The following TAB2 variants were observed in gnomAD, a reference collection of about 807,000 sequenced individuals.
The protein encoded by TAB2 is TGF-beta-activated kinase 1 and MAP3K7-binding protein 2.
TAB2 carries 3 observed loss-of-function variants against 65.0 expected under a neutral mutation model. The ratio of observed to expected loss-of-function variants is 0.05; its 90% CI spans 0.02 to 0.12. The LOEUF is 0.12. Ranked by LOEUF, TAB2 falls within the 10% of genes least tolerant of loss-of-function variation. The pLI, the probability that TAB2 is intolerant of heterozygous loss-of-function variation, is 1.00. For missense variants in TAB2, 623 were observed against 840.3 expected (o/e 0.74, Z 3.20); for synonymous variants, 298 against 285.1 (o/e 1.05, Z -0.46).
Position 149,378,678 on chromosome 6 carries a change from C to T in TAB2, c.763C>T (p.Pro255Ser). 1 of 1,613,832 alleles carries T rather than the reference C, an allele frequency of 6.2e-7. No homozygotes were observed. Among genetic ancestry groups the T allele is most frequent in the South Asian group, 1.1e-5 (1 of 91,074 alleles). Residue 255 changes from proline to serine, a missense_variant, in exon 3 of 7, where the codon CCC becomes TCC. Pro to Ser is a moderately conservative substitution (Grantham distance 74). This residue lies in a region of TAB2 where 550 missense variants were observed against 665.7 expected (regional missense o/e 0.83). Coordinates refer to ENST00000637181, the MANE Select transcript of TAB2 (RefSeq NM_001292034.3). ...QQVYQPSQPG[P>S]WTTCPASNPL... is the part of the protein sequence containing the mutation. ...AGTTTATCAGCCTTCACAGCCTGGT[C>T]CCTGGACTACTTGTCCTGCATCTAA... is the stretch of plus-strand genomic sequence containing the variant.
chr6:149,238,843 CT>C (rs1213603313), intron 1 of TAB2, among the ~76,000 whole-genome samples: 1 of 152,212 alleles, frequency 6.6e-6, no homozygotes, highest in East Asian at 1.9e-4. Context: ...AAGGAAGCTT[CT>C]TGACTTACTC....
chr6:149,384,891 A>G (rs1484777644), intron 3 of TAB2, among the ~76,000 whole-genome samples: 1 of 152,198 alleles, frequency 6.6e-6, no homozygotes, highest in Non-Finnish European at 1.5e-5. Flanking sequence ...ATTGCTGCCA[A>G]ATACAATTTC....
intron 1 of TAB2, among the ~76,000 whole-genome samples, chr6:149,356,518 A>G (rs539685470): frequency 6.6e-6 from 1 of 152,302 alleles, no homozygotes; most frequent in Admixed American, 6.5e-5. Flanking sequence ...TGTCTGGTGA[A>G]TTCCCACTCT....
At chr6:149,250,991 C>G (rs773534380) in intron 1 of TAB2, among the ~76,000 whole-genome samples, 102 of 151,964 alleles carry the variant, frequency 6.7e-4, no homozygotes, top group Non-Finnish European at 1.3e-3. Flanking sequence ...TATTTGCTGT[C>G]CCCATAGCAG....
intron 1 of TAB2, among the ~76,000 whole-genome samples, chr6:149,260,775 T>C (rs1778137424): frequency 6.6e-6 from 1 of 152,108 alleles, no homozygotes. Flanking sequence ...TGAGTGGCAA[T>C]GACACAGGTG....
intron 1 of TAB2, among the ~76,000 whole-genome samples, chr6:149,254,942 G>A (rs1194840417): frequency 6.6e-6 from 1 of 152,272 alleles, no homozygotes; most frequent in Admixed American, 6.5e-5. Flanking sequence ...TGAGACTTTG[G>A]ACTTTAGACC....
Position 149,410,386 on chromosome 6 carries a change from TTTC to T in TAB2, c.*670_*672del, listed in dbSNP as rs1294566327. On this transcript the variant is annotated 3_prime_UTR_variant, in exon 7 of 7. Transcript: ENST00000637181. ...GATCTCTCGAGTCTGCTTTAAGTGA[TTTC>T]TTTTCTTCTTGATTATTTTCTTATA... is the stretch of plus-strand genomic sequence containing the variant. 6.5e-6 allele frequency: 1 copy of T among 152,816 alleles called. No homozygotes were observed. The highest frequency in any genetic ancestry group is 1.5e-5 in the Non-Finnish European group (1 of 68,172). 9.5% of individuals were successfully genotyped at this position (152,816 alleles called of 1,614,324 possible). A position where few individuals can be genotyped will look rare whatever the true frequency, so the allele number is the denominator to read the frequency against.
chr6:149,288,155 T>C (rs976616698), intron 1 of TAB2, among the ~76,000 whole-genome samples: 2 of 152,186 alleles, frequency 1.3e-5, no homozygotes, highest in Admixed American at 6.5e-5. Flanking sequence ...CTTTACAAAA[T>C]GGTACTATCA....
intron 2 of TAB2, among the ~76,000 whole-genome samples, chr6:149,374,821 G>C (rs1289674418): frequency 6.6e-6 from 1 of 152,050 alleles, no homozygotes; most frequent in African/African-American, 2.4e-5. Flanking sequence ...TTGACCACGG[G>C]GTGCAGTCCA....
At chr6:149,346,812 A>G (rs1318145401) in intron 1 of TAB2, among the ~76,000 whole-genome samples, 2 of 152,134 alleles carry the variant, frequency 1.3e-5, no homozygotes, top group Non-Finnish European at 2.9e-5. Context: ...TTAATATTTA[A>G]CCAACTTATT....
chr6:149,333,708 A>AGTGTGTGTGTGTGTGTGTGT (rs61004397), intron 1 of TAB2, among the ~76,000 whole-genome samples: 3 of 144,790 alleles, frequency 2.1e-5, no homozygotes, highest in East Asian at 2.1e-4. Context: ...CCAGATCCAT[A>AGTGTGTGTGTGTGTGTGTGT]GTGTGTGTGT....
chr6:149,344,853 A>C (rs1290753535), intron 1 of TAB2, among the ~76,000 whole-genome samples: 1 of 152,196 alleles, frequency 6.6e-6, no homozygotes, highest in East Asian at 1.9e-4. Flanking sequence ...GGAATATTGT[A>C]AAAAGTAACT....
chr6:149,249,299 C>T (rs1167430613), intron 1 of TAB2, among the ~76,000 whole-genome samples: 1 of 152,130 alleles, frequency 6.6e-6, no homozygotes, highest in Non-Finnish European at 1.5e-5. Context: ...AACAGTTCAA[C>T]TTCACCTCCT....
intron 1 of TAB2, among the ~76,000 whole-genome samples, chr6:149,260,789 A>T (rs1778138266): frequency 6.6e-6 from 1 of 152,142 alleles, no homozygotes; most frequent in South Asian, 2.1e-4. Flanking sequence ...ACAGGTGTAT[A>T]TGTATGAAAG....
intron 1 of TAB2, among the ~76,000 whole-genome samples, chr6:149,290,838 C>T (rs1778763309): frequency 6.6e-6 from 1 of 151,994 alleles, no homozygotes; most frequent in African/African-American, 2.4e-5. Context: ...GGAGTGAAAC[C>T]CTGTCTCAAA....
At chr6:149,270,585 T>C (rs1396409838) in intron 1 of TAB2, among the ~76,000 whole-genome samples, 2 of 151,164 alleles carry the variant, frequency 1.3e-5, no homozygotes, top group East Asian at 1.9e-4. Context: ...CATTCTACAA[T>C]CTATACATCT....
At chr6:149,317,293 C>G (rs1779279513), upstream of TAB2, among the ~76,000 whole-genome samples, 1 of 152,104 alleles carries the variant, frequency 6.6e-6, no homozygotes, top group South Asian at 2.1e-4. The surrounding 1 kb of genome is among the most constrained non-coding windows in gnomAD (Gnocchi z 4.7). Flanking sequence ...CACCGGCACC[C>G]CCCTCGCACG....
At chr6:149,317,282 G>C (rs1056741489), upstream of TAB2, among the ~76,000 whole-genome samples, 1 of 151,902 alleles carries the variant, frequency 6.6e-6, no homozygotes, top group Non-Finnish European at 1.5e-5. This position sits in a 1 kb window ranked among gnomAD's most constrained non-coding sequence, Gnocchi z 4.7. Flanking sequence ...CGGGCTGCCC[G>C]CACCGGCACC....
chr6:149,359,769 A>G (rs184162883), intron 1 of TAB2, among the ~76,000 whole-genome samples: 1 of 152,060 alleles, frequency 6.6e-6, no homozygotes, highest in Non-Finnish European at 1.5e-5. Context: ...GCACCAGGGA[A>G]TTTTTTTCTT....
Sources: gnomAD v4.1 joint callset for allele counts (sites outside exome capture counted in the v4.1 genomes callset) on GRCh38, gnomAD v4.1.1 for gene constraint, gnomAD v4.1.1 regional missense constraint, Gnocchi (gnomAD v3.1) non-coding constraint, MANE v1.5 for transcripts, NCBI Gene and HGNC (gene_info 2026-07-23, HGNC 2026-07-21) for gene names.